RBMX: variants seen among roughly 807,000 people sequenced by gnomAD.
RBMX encodes the protein RNA binding motif protein X-linked.
A neutral mutation model predicts 29.3 loss-of-function variants in RBMX; 1 was observed. The observed-to-expected ratio is 0.03, with a 90% CI of 0.01 to 0.16. The LOEUF is 0.16. Ranked by LOEUF, RBMX falls within the 10% of genes least tolerant of loss-of-function variation. The pLI is 1.00. For synonymous variants in RBMX, 102 were observed against 102.3 expected, an observed-to-expected ratio of 1.00 and a Z score of 0.02; for missense variants, 121 against 333.2, an observed-to-expected ratio of 0.36 and a Z score of 4.96.
At chrX:136,870,784 CAA>C (rs1244678130), downstream of RBMX, among the ~76,000 whole-genome samples, 4 of 45,033 alleles carry the variant, frequency 8.9e-5, no homozygotes, top group Non-Finnish European at 8.4e-5. Context: ...GAAGCCATCT[CAA>C]AAAAAAAAAA....
intron 8 of RBMX, 199 bp downstream of exon 8, chrX:136,874,887 C>T (rs2148710492): frequency 5.1e-6 from 4 of 779,022 alleles, no homozygotes; most frequent in East Asian, 3.9e-5. Context: ...CCCTCCAAAG[C>T]AAGCAAACAG....
chrX:136,875,235 G>A (rs1255339933), intron 7 of RBMX, 23 bp downstream of exon 7: 2 of 1,210,805 alleles, frequency 1.7e-6, no homozygotes, highest in Admixed American at 4.4e-5. Context: ...TTACATGTAA[G>A]CCACAGAAGC....
At chrX:136,876,112 GTTTTTTTTTTTTGTTT>G (rs1405652019) in intron 5 of RBMX, among the ~76,000 whole-genome samples, 15 of 87,865 alleles carry the variant, frequency 1.7e-4, no homozygotes, top group African/African-American at 4.7e-4. Flanking sequence ...CATGAATAAA[GTTTTTTTTTTTTGTTT>G]TTTTTTTTTT....
At chrX:136,871,854 C>G (rs942048153), downstream of RBMX, among the ~76,000 whole-genome samples, 2 of 101,946 alleles carry the variant, frequency 2.0e-5, no homozygotes, top group Admixed American at 1.1e-4. Context: ...GAGGTTTCAC[C>G]ATGTTTGCCA....
downstream of RBMX, chrX:136,873,445 C>A (rs2077696327): frequency 1.3e-6 from 1 of 752,526 alleles, no homozygotes; most frequent in Non-Finnish European, 1.6e-6. Context: ...GAGCAAGCAC[C>A]TTTGCAGCTT....
chrX:136,874,890 GCAAA>G (rs1390684833), intron 8 of RBMX, 192 bp downstream of exon 8: 2 of 797,056 alleles, frequency 2.5e-6, no homozygotes, highest in Non-Finnish European at 3.3e-6. Flanking sequence ...TCCAAAGCAA[GCAAA>G]CAGCCTCAAA....
At chrX:136,880,032 T>C (rs979469183) in intron 1 of RBMX, among the ~76,000 whole-genome samples, 2 of 112,140 alleles carry the variant, frequency 1.8e-5, no homozygotes, top group African/African-American at 6.5e-5. Context: ...TCGTTTGCTA[T>C]TAAGTAACGG....
chrX:136,874,508 AT>A, intron 8 of RBMX, 56 bp from the exon 9 acceptor site: 4 of 1,138,472 alleles, frequency 3.5e-6, no homozygotes, highest in Non-Finnish European at 4.8e-6. Context: ...TATATACAAC[AT>A]TTTAAATCTG....
At chrX:136,879,554 G>A in intron 1 of RBMX, 101 bp from the exon 2 acceptor site, 1 of 710,642 alleles carries the variant, frequency 1.4e-6, no homozygotes, top group South Asian at 2.9e-5. Flanking sequence ...TAAAACCATT[G>A]TTCCTTAATA....
At chrX:136,877,327 T>TCCC (rs1214325421) in intron 4 of RBMX, among the ~76,000 whole-genome samples, 55 of 29,822 alleles carry the variant, frequency 1.8e-3, no homozygotes, top group Non-Finnish European at 2.4e-3. Context: ...TGCTAAACTC[T>TCCC]ACCCCCCCCC....
intron 8 of RBMX, 24 bp downstream of exon 8, chrX:136,875,062 A>G (rs924416242): frequency 8.3e-7 from 1 of 1,207,509 alleles, no homozygotes; most frequent in Non-Finnish European, 1.1e-6. Flanking sequence ...TGGTGATACT[A>G]AAGACCCTTA....
chrX:136,875,317 A>G lies in RBMX; in HGVS notation c.723T>C (p.Tyr241=), dbSNP rs769109014. The part of the protein sequence containing the change: ...TRDYAPPPRD[Y]TYRDYGHSSS... ...TGGAATGACCATAATCACGGTAAGTATAATCTCGTGGTGGTGGTGCATAAT... is the reference window on the plus strand; with the variant it reads ...TGGAATGACCATAATCACGGTAAGTGTAATCTCGTGGTGGTGGTGCATAAT... The change falls in exon 7 of 9, where the codon TAT becomes TAC. Residue 241 remains tyrosine (Y), a synonymous_variant. Transcript: ENST00000320676. 1.3e-5 allele frequency: 16 copies of G among 1,211,996 alleles called. No individual in the cohort carries two copies. The highest frequency in any genetic ancestry group is 1.8e-5 in the Non-Finnish European group (16 of 895,565).
rs2306222 is a variant in RBMX at position 136,875,441 on chromosome X, T to C, written c.656+30A>G. 11 of 1,205,230 alleles carry C rather than the reference T, an allele frequency of 9.1e-6. No homozygotes were observed. The African/African-American group carries it at 1.8e-4, about 19-fold the overall frequency. ...ATAAGCTTTCCTTCAACCTTAATTA[T>C]TAATTTAAAAAGCTGCACTTTTCTA... On this transcript the variant is annotated intron_variant, in intron 6 of 8. Transcript: ENST00000320676.
chrX:136,880,128 G>A (rs746855959), intron 1 of RBMX, among the ~76,000 whole-genome samples: 8 of 112,162 alleles, frequency 7.1e-5, no homozygotes, highest in Non-Finnish European at 1.5e-4. Flanking sequence ...GCGTGTAAAA[G>A]ACAAAATGGC....
At chrX:136,870,699 T>C (rs373826695), downstream of RBMX, among the ~76,000 whole-genome samples, 9 of 96,760 alleles carry the variant, frequency 9.3e-5, no homozygotes, top group African/African-American at 3.6e-4. Flanking sequence ...GGCACGGTGG[T>C]GCACACCCGT....
chrX:136,871,111 TCAGAA>T (rs1253932168), downstream of RBMX, among the ~76,000 whole-genome samples: 8 of 94,994 alleles, frequency 8.4e-5, no homozygotes, highest in Admixed American at 9.6e-4. Flanking sequence ...CAAAACTGTC[TCAGAA>T]GAGAAGAAAA....
chrX:136,875,432 C>G (rs773574024), intron 6 of RBMX, 39 bp downstream of exon 6: 27 of 1,205,204 alleles, frequency 2.2e-5, no homozygotes, highest in Admixed American at 1.1e-4. Context: ...TTTCCTTCAA[C>G]CTTAATTATT....
chrX:136,872,404 T>C, downstream of RBMX: 1 of 1,041,529 alleles, frequency 9.6e-7, no homozygotes. Flanking sequence ...CTTTTAAAAC[T>C]TGCCTATTAC....
At chrX:136,877,795 A>T in intron 4 of RBMX, 120 bp downstream of exon 4, 1 of 628,640 alleles carries the variant, frequency 1.6e-6, no homozygotes, top group Non-Finnish European at 2.4e-6. Context: ...GTAGATGAAC[A>T]AGTGTTGTCA....
Sources: allele counts gnomAD v4.1 joint callset (sites outside exome capture counted in the v4.1 genomes callset), GRCh38; gene constraint gnomAD v4.1.1; transcripts MANE v1.5; gene names NCBI Gene and HGNC (gene_info 2026-07-23, HGNC 2026-07-21).